The following C12orf42 variants were observed in gnomAD, a reference collection of about 807,000 sequenced individuals.
The protein encoded by C12orf42 is uncharacterized protein C12orf42.
Under a neutral mutation model 21.6 loss-of-function variants are expected in C12orf42, and 25 were observed. The ratio of observed to expected loss-of-function variants is 1.16; its 90% confidence interval spans 0.84 to 1.62. The LOEUF (loss-of-function observed/expected upper bound fraction) is 1.62, where lower values mean the gene tolerates loss of function less well. Ranked by LOEUF, C12orf42 falls within the 40% of genes most tolerant of loss-of-function variation. The pLI is 0.00. For missense variants in C12orf42, 483 were observed against 459.3 expected, an observed-to-expected ratio of 1.05 and a Z score of -0.47; for synonymous variants, 174 against 175.0, an observed-to-expected ratio of 0.99 and a Z score of 0.05.
intron 4 of C12orf42, among the ~76,000 whole-genome samples, chr12:103,329,486 G>A (rs1294195185): frequency 2.6e-5 from 4 of 151,976 alleles, no homozygotes; most frequent in Admixed American, 2.6e-4. Flanking sequence ...CCCCTGGCAT[G>A]TGTATACCTA....
intron 3 of C12orf42, among the ~76,000 whole-genome samples, chr12:103,379,241 A>G (rs2045960251): frequency 6.6e-6 from 1 of 152,184 alleles, no homozygotes; most frequent in Middle Eastern, 3.2e-3. Flanking sequence ...ATCCTCACCT[A>G]TTGTTAGCTT....
At chr12:103,085,079 A>G in the C12orf42 span, among the ~76,000 whole-genome samples, 2 of 152,184 alleles carry the variant, frequency 1.3e-5, no homozygotes, top group Non-Finnish European at 2.9e-5. Flanking sequence ...AGAACATTTA[A>G]ATTTCCAAAG....
the C12orf42 span, among the ~76,000 whole-genome samples, chr12:103,222,165 C>G: frequency 4.6e-5 from 7 of 152,164 alleles, no homozygotes; most frequent in African/African-American, 1.7e-4. Context: ...GTGTGAGCAA[C>G]ATGGCTGTTT....
chr12:103,286,751 G>A (rs2036487978), intron 4 of C12orf42, among the ~76,000 whole-genome samples: 1 of 152,068 alleles, frequency 6.6e-6, no homozygotes, highest in South Asian at 2.1e-4. Flanking sequence ...GAATATGGAA[G>A]CAAATTGGAA....
intron 10 of C12orf42, among the ~76,000 whole-genome samples, chr12:103,253,649 T>C (rs928583500): frequency 6.6e-6 from 1 of 152,176 alleles, no homozygotes; most frequent in African/African-American, 2.4e-5. Context: ...TTTTTGCACA[T>C]TGATTTTGTA....
downstream of C12orf42, among the ~76,000 whole-genome samples, chr12:103,265,079 G>T (rs1006213771): frequency 6.6e-6 from 1 of 152,106 alleles, no homozygotes; most frequent in Non-Finnish European, 1.5e-5. Context: ...GTTGCAGACT[G>T]CCAACTCCAC....
chr12:103,351,636 T>C (rs575002956), intron 4 of C12orf42, among the ~76,000 whole-genome samples: 1 of 152,208 alleles, frequency 6.6e-6, no homozygotes, highest in East Asian at 1.9e-4. Context: ...CATATTTTAA[T>C]GATAGAGTCA....
Position 103,296,148 on chromosome 12 carries a change from A to G in C12orf42, n.338-18938T>C, listed in dbSNP as rs377551898. 9.2e-5 allele frequency among the ~76,000 whole-genome samples: 14 copies of G among 151,858 alleles called. No homozygotes were observed. In the East Asian group the frequency reaches 2.1e-3, roughly 23 times the overall value. On this transcript the variant is annotated intron_variant and non_coding_transcript_variant, in intron 4 of 6. Coordinates refer to the C12orf42 transcript ENST00000546526. Reference sequence around the variant, plus strand: ...TTGTCCTTGTGATAGTTTGCTGAGAATGATGGTTTCCAGCTTCATCCATGT... The same window carrying G: ...TTGTCCTTGTGATAGTTTGCTGAGAGTGATGGTTTCCAGCTTCATCCATGT...
the C12orf42 span, among the ~76,000 whole-genome samples, chr12:103,116,626 T>A: frequency 6.6e-6 from 1 of 152,154 alleles, no homozygotes. Context: ...CTCACCAATT[T>A]AGCTAGTGAA....
At chr12:103,425,370 G>GC (rs1342675848) in intron 2 of C12orf42, among the ~76,000 whole-genome samples, 5 of 152,164 alleles carry the variant, frequency 3.3e-5, no homozygotes, top group Admixed American at 1.3e-4. Context: ...GTGGGTGCCT[G>GC]CCCCCCGTGC....
the C12orf42 span, among the ~76,000 whole-genome samples, chr12:103,122,025 GT>G: frequency 4.6e-5 from 7 of 152,098 alleles, no homozygotes; most frequent in African/African-American, 1.7e-4. Flanking sequence ...TGGCACTATT[GT>G]TTTTTTCTGC....
the C12orf42 span, among the ~76,000 whole-genome samples, chr12:103,517,800 G>A: frequency 5.3e-5 from 8 of 152,028 alleles, no homozygotes; most frequent in Non-Finnish European, 1.2e-4. Flanking sequence ...TTAGCAAGGC[G>A]CTGCTCAGAG....
At chr12:103,283,882 G>T (rs2036280950) in intron 4 of C12orf42, among the ~76,000 whole-genome samples, 1 of 152,130 alleles carries the variant, frequency 6.6e-6, no homozygotes, top group African/African-American at 2.4e-5. Context: ...TTCAGGTACA[G>T]AACAAGAAAA....
chr12:103,305,308 C>T (rs951234673), intron 5 of C12orf42, among the ~76,000 whole-genome samples: 1 of 152,118 alleles, frequency 6.6e-6, no homozygotes, highest in Non-Finnish European at 1.5e-5. Flanking sequence ...GTCTGAACAT[C>T]AGCACCATAA....
the C12orf42 span, among the ~76,000 whole-genome samples, chr12:103,115,593 GA>G: frequency 6.6e-6 from 1 of 151,254 alleles, no homozygotes; most frequent in Non-Finnish European, 1.5e-5. Context: ...CCACTTCCCG[GA>G]GTTGTTTTGA....
At chr12:103,107,323 A>C in the C12orf42 span, among the ~76,000 whole-genome samples, 57,580 of 151,654 alleles carry the variant, frequency 0.38, 11,223 homozygotes, top group East Asian at 0.52. Flanking sequence ...AAATAGTATT[A>C]TTGAAGTAAG....
At chr12:103,493,098 T>C (rs1360554587) in intron 1 of C12orf42, among the ~76,000 whole-genome samples, 1 of 152,198 alleles carries the variant, frequency 6.6e-6, no homozygotes, top group East Asian at 1.9e-4. Context: ...CACTTTCCAT[T>C]CTTTCCTTCA....
the C12orf42 span, among the ~76,000 whole-genome samples, chr12:103,099,681 T>C: frequency 2.0e-5 from 3 of 152,252 alleles, no homozygotes; most frequent in Non-Finnish European, 4.4e-5. Flanking sequence ...ATTTTTCTTA[T>C]GATTTTAAAA....
chr12:103,084,521 T>G, the C12orf42 span, among the ~76,000 whole-genome samples: 1 of 152,222 alleles, frequency 6.6e-6, no homozygotes, highest in East Asian at 1.9e-4. Flanking sequence ...TAAGATTCAG[T>G]TGTAGATATA....
Sources: allele counts gnomAD v4.1 joint callset (sites outside exome capture counted in the v4.1 genomes callset), GRCh38; gene constraint gnomAD v4.1.1; transcripts MANE v1.5; gene names NCBI Gene and HGNC (gene_info 2026-07-23, HGNC 2026-07-21).